FHIP2A: variants seen among roughly 807,000 people sequenced by gnomAD.
The protein encoded by FHIP2A is FHF complex subunit HOOK interacting protein 2A.
FHIP2A carries 46 observed loss-of-function variants against 93.5 expected under a neutral mutation model. That is an observed-to-expected ratio of 0.49 (90% CI 0.39 to 0.63). The LOEUF (loss-of-function observed/expected upper bound fraction) is 0.63, where lower values mean the gene tolerates loss of function less well. Among genes scored for constraint, FHIP2A ranks in the 20% least tolerant of loss-of-function variants. FHIP2A has a pLI of 0.00. For missense variants in FHIP2A, 769 were observed against 909.7 expected, an observed-to-expected ratio of 0.85 and a Z score of 1.99; for synonymous variants, 332 against 326.5, an observed-to-expected ratio of 1.02 and a Z score of -0.18.
intron 14 of FHIP2A, among the ~76,000 whole-genome samples, chr10:114,855,973 G>GCTTGACT: frequency 6.6e-6 from 1 of 152,170 alleles, no homozygotes; most frequent in Non-Finnish European, 1.5e-5. Context: ...GCTTAGTGAT[G>GCTTGACT]AGAGAGCTTT....
chr10:114,858,740 G>T lies in FHIP2A; in HGVS notation c.1948-2009G>T, dbSNP rs937543963. On this transcript the variant is annotated intron_variant, in intron 14 of 16. Transcript: ENST00000369248. ...CAAATATTATCAAGGGAGGAGGAAT[G>T]GAGAGAAGTTGGTTAATGAGTCCAA... 2.0e-5 allele frequency among the ~76,000 whole-genome samples: 3 copies of T among 152,090 alleles called. No individual in the cohort carries two copies. In the South Asian group the frequency reaches 6.2e-4, roughly 31 times the overall value.
chr10:114,899,362 G>A (rs2084015790), intron 16 of FHIP2A: 2 of 623,268 alleles, frequency 3.2e-6, no homozygotes, highest in Non-Finnish European at 2.9e-6. Context: ...AAAATAATAT[G>A]TATTGGTTTA....
intron 14 of FHIP2A, among the ~76,000 whole-genome samples, chr10:114,859,576 C>T (rs1592025432): frequency 6.6e-6 from 1 of 152,162 alleles, no homozygotes; most frequent in African/African-American, 2.4e-5. Context: ...GCAACCAATC[C>T]GTTTCCTTTG....
At chr10:114,896,081 A>G (rs1278523553) in intron 16 of FHIP2A, among the ~76,000 whole-genome samples, 1 of 152,190 alleles carries the variant, frequency 6.6e-6, no homozygotes, top group Admixed American at 6.5e-5. Context: ...TCCATGGGCT[A>G]GAATGATTGA....
chr10:114,846,981 A>AT, intron 11 of FHIP2A, 109 bp from the exon 12 acceptor site: 4 of 1,073,622 alleles, frequency 3.7e-6, no homozygotes, highest in Non-Finnish European at 4.0e-6. Context: ...TTAATCCTTT[A>AT]TATTAGCAAA....
At chr10:114,829,348 G>T (rs1218732226) in intron 1 of FHIP2A, among the ~76,000 whole-genome samples, 1 of 152,094 alleles carries the variant, frequency 6.6e-6, no homozygotes, top group Non-Finnish European at 1.5e-5. Flanking sequence ...GGGGAAAGGG[G>T]TGGGCCATTC....
In FHIP2A at chr10:114,855,328, A is replaced by G; in HGVS notation, c.1935A>G (p.Arg645=). The change falls in exon 14 of 17, where the codon AGA becomes AGG. Residue 645 remains arginine, a synonymous_variant. Transcript: ENST00000369248. ...AAGTGCTGTTCGACAGAATGGGAAGAATTCTTGATCAGGTAATACATTTTA... is the reference window on the plus strand; with the variant it reads ...AAGTGCTGTTCGACAGAATGGGAAGGATTCTTGATCAGGTAATACATTTTA... ...FLKVLFDRMG[R]ILDQPYDVNL... is the part of the protein sequence containing the mutation. The G allele has an allele frequency of 1.9e-6, 3 of 1,613,720 alleles. No homozygotes were observed. Among genetic ancestry groups the G allele is most frequent in the Non-Finnish European group, 2.5e-6 (3 of 1,179,652 alleles).
At chr10:114,884,828 C>T (rs1040929097) in intron 16 of FHIP2A, among the ~76,000 whole-genome samples, 7 of 151,074 alleles carry the variant, frequency 4.6e-5, no homozygotes, top group South Asian at 2.1e-4. Context: ...GCAGGAGAAT[C>T]GCTTGAACCT....
intron 11 of FHIP2A, 35 bp from the exon 12 acceptor site, chr10:114,847,055 A>G (rs746120657): frequency 6.5e-7 from 1 of 1,535,728 alleles, no homozygotes; most frequent in Non-Finnish European, 8.9e-7. Context: ...TCATAATAAA[A>G]TAGTGCTTTT....
At chr10:114,896,831 T>G (rs1322073663) in intron 16 of FHIP2A, among the ~76,000 whole-genome samples, 4 of 152,220 alleles carry the variant, frequency 2.6e-5, no homozygotes, top group African/African-American at 9.7e-5. Flanking sequence ...CTCTCTAAAT[T>G]AACTGAGACC....
intron 3 of FHIP2A, among the ~76,000 whole-genome samples, chr10:114,834,911 T>C (rs141307191): frequency 1.3e-5 from 2 of 152,228 alleles, no homozygotes; most frequent in Non-Finnish European, 2.9e-5. Context: ...AACCTGTCTA[T>C]GCAAAGGGCT....
chr10:114,894,983 A>G (rs1359246490), intron 16 of FHIP2A, among the ~76,000 whole-genome samples: 2 of 152,216 alleles, frequency 1.3e-5, no homozygotes, highest in Non-Finnish European at 2.9e-5. Context: ...AGAAGGATAC[A>G]CTGTAGCCTG....
intron 16 of FHIP2A, among the ~76,000 whole-genome samples, chr10:114,885,079 C>T (rs548604095): frequency 6.6e-6 from 1 of 151,998 alleles, no homozygotes; most frequent in African/African-American, 2.4e-5. Flanking sequence ...TGCCCACCTT[C>T]CTGGGGGAGA....
chr10:114,873,487 TCA>T (rs2083868846), intron 16 of FHIP2A, among the ~76,000 whole-genome samples: 1 of 152,196 alleles, frequency 6.6e-6, no homozygotes, highest in Non-Finnish European at 1.5e-5. Flanking sequence ...GGAAGCAAAG[TCA>T]CCGTAGATAG....
intron 4 of FHIP2A, among the ~76,000 whole-genome samples, chr10:114,835,906 A>G (rs1368799741): frequency 2.0e-5 from 3 of 152,290 alleles, no homozygotes; most frequent in South Asian, 4.1e-4. Context: ...AATTTATTAT[A>G]TAACTCGTTA....
In FHIP2A at chr10:114,855,314, G is replaced by A. The variant is rs758576833; in HGVS notation, c.1921G>A (p.Asp641Asn). 5.0e-6 allele frequency: 8 copies of A among 1,613,726 alleles called. No individual in the cohort carries two copies. Among genetic ancestry groups the A allele is most frequent in the African/African-American group, 2.7e-5 (2 of 74,914 alleles). ...AGGTCATTTTTTGAAAGTGCTGTTC[G>A]ACAGAATGGGAAGAATTCTTGATCA... ...FEGHFLKVLFDRMGRILDQPY... is the reference protein window; with the variant it reads ...FEGHFLKVLFNRMGRILDQPY... The change falls in exon 14 of 17, where the codon GAC becomes AAC. Residue 641 changes from aspartate to asparagine, a missense_variant. Transcript: ENST00000369248.
chr10:114,899,522 T>A (rs1374475989), exon 17 of FHIP2A: 11 of 718,392 alleles, frequency 1.5e-5, no homozygotes. Flanking sequence ...TAAGAGGGAT[T>A]CCAGAGTCTC....
At chr10:114,838,221 T>G (rs977831863) in intron 5 of FHIP2A, among the ~76,000 whole-genome samples, 2 of 152,236 alleles carry the variant, frequency 1.3e-5, no homozygotes, top group Non-Finnish European at 2.9e-5. Context: ...TGTTAACCAC[T>G]CCAATAGATG....
intron 1 of FHIP2A, among the ~76,000 whole-genome samples, chr10:114,822,477 G>T (rs2083537521): frequency 6.6e-6 from 1 of 152,232 alleles, no homozygotes; most frequent in Non-Finnish European, 1.5e-5. Context: ...ACCTGGCGGG[G>T]TCGCAGAGAG....
Sources: allele counts gnomAD v4.1 joint callset (sites outside exome capture counted in the v4.1 genomes callset), GRCh38; gene constraint gnomAD v4.1.1; transcripts MANE v1.5; gene names NCBI Gene and HGNC (gene_info 2026-07-23, HGNC 2026-07-21).